Variants in HSD17B4 observed in about 807,000 individuals in gnomAD.
The protein encoded by HSD17B4 is peroxisomal multifunctional enzyme type 2.
Under a neutral mutation model 101.0 loss-of-function variants are expected in HSD17B4, and 70 were observed. That is an observed-to-expected ratio of 0.69 (90% confidence interval 0.57 to 0.85). The LOEUF (loss-of-function observed/expected upper bound fraction) is 0.85. Among genes scored for constraint, HSD17B4 ranks in the 40% least tolerant of loss-of-function variants. The probability of loss-of-function intolerance (pLI) is 0.00; values close to 1 mark genes in which losing one functional copy is unlikely to be tolerated. For missense variants in HSD17B4, 984 were observed against 892.4 expected (o/e 1.10, Z -1.31); for synonymous variants, 347 against 297.1 (o/e 1.17, Z -1.73).
intron 8 of HSD17B4, among the ~76,000 whole-genome samples, chr5:119,480,793 C>A (rs575578724): frequency 6.6e-6 from 1 of 152,120 alleles, no homozygotes; most frequent in Non-Finnish European, 1.5e-5. Flanking sequence ...GAGACAGGTA[C>A]GCCCCGGGGG....
chr5:119,479,870 A>G (rs1580565236), intron 8 of HSD17B4, among the ~76,000 whole-genome samples: 1 of 152,144 alleles, frequency 6.6e-6, no homozygotes, highest in Non-Finnish European at 1.5e-5. Context: ...TGATTGCTGG[A>G]TGGATGCTAT....
intron 17 of HSD17B4, among the ~76,000 whole-genome samples, chr5:119,519,234 C>G (rs2126852330): frequency 6.6e-6 from 1 of 152,266 alleles, no homozygotes; most frequent in Admixed American, 6.5e-5. Context: ...CTGCAATAAT[C>G]TAGACAGACC....
At position 119,492,114 on chromosome 5, in the gene HSD17B4, G is replaced by T; in HGVS notation, c.729G>T (p.Trp243Cys). The T allele has an allele frequency of 6.2e-7, 1 of 1,607,510 alleles. No homozygotes were observed. Among genetic ancestry groups the T allele is most frequent in the Non-Finnish European group, 8.5e-7 (1 of 1,174,318 alleles). Residue 243 changes from tryptophan to cysteine, a missense_variant, in exon 10 of 24, where the codon TGG becomes TGT. Coordinates refer to ENST00000510025, the MANE Select transcript of HSD17B4 (RefSeq NM_000414.4). ...CTTTTTGGTAGGTTGGAGCAGGATG[G>T]ATTGGAAAATGTAAGTCTCTCTCAG... The part of the protein sequence containing the change: ...NGGLFEVGAG[W>C]IGKLRWERTL...
intron 22 of HSD17B4, among the ~76,000 whole-genome samples, chr5:119,535,010 A>G (rs1754419091): frequency 1.3e-5 from 2 of 152,094 alleles, no homozygotes; most frequent in Admixed American, 1.3e-4. Flanking sequence ...AAAAGTTGCA[A>G]AAATACTAGA....
chr5:119,489,504 G>C (rs1199779074), intron 9 of HSD17B4, among the ~76,000 whole-genome samples: 3 of 152,102 alleles, frequency 2.0e-5, no homozygotes, highest in Non-Finnish European at 2.9e-5. Flanking sequence ...TGAAAATGTG[G>C]CTGGTTTGAT....
chr5:119,520,668 A>G (rs1753037723), intron 17 of HSD17B4, among the ~76,000 whole-genome samples: 1 of 152,188 alleles, frequency 6.6e-6, no homozygotes, highest in African/African-American at 2.4e-5. Context: ...GTCTAGGAAC[A>G]GTGGTAACCC....
At chr5:119,484,314 T>C (rs1038469218) in intron 8 of HSD17B4, among the ~76,000 whole-genome samples, 4 of 152,218 alleles carry the variant, frequency 2.6e-5, no homozygotes, top group Admixed American at 2.6e-4. Context: ...GGAAAATCAA[T>C]CGACTGCTTA....
intron 17 of HSD17B4, among the ~76,000 whole-genome samples, chr5:119,523,565 CTG>C (rs1753303588): frequency 6.6e-6 from 1 of 151,966 alleles, no homozygotes; most frequent in Admixed American, 6.6e-5. Flanking sequence ...TCGTTTAACT[CTG>C]TTATCTATAG....
chr5:119,510,092 C>A (rs1044286941), intron 16 of HSD17B4, among the ~76,000 whole-genome samples: 1 of 152,154 alleles, frequency 6.6e-6, no homozygotes, highest in Admixed American at 6.5e-5. Context: ...CTTGGTAATA[C>A]GTACTTTGAA....
At chr5:119,459,541 C>T (rs773579589) in intron 2 of HSD17B4, among the ~76,000 whole-genome samples, 2 of 152,162 alleles carry the variant, frequency 1.3e-5, no homozygotes, top group African/African-American at 4.8e-5. Flanking sequence ...TAACAGAACA[C>T]TTAAAACCGG....
At chr5:119,478,346 C>G (rs1394692100) in intron 7 of HSD17B4, among the ~76,000 whole-genome samples, 1 of 152,086 alleles carries the variant, frequency 6.6e-6, no homozygotes, top group Non-Finnish European at 1.5e-5. Context: ...TTGGAGATTT[C>G]TAGTTTATCC....
At chr5:119,529,098 ATC>A (rs1753840325) in intron 20 of HSD17B4, among the ~76,000 whole-genome samples, 1 of 152,164 alleles carries the variant, frequency 6.6e-6, no homozygotes, top group African/African-American at 2.4e-5. Flanking sequence ...TACTTGAAAG[ATC>A]TTTTTTCCTC....
chr5:119,455,298 C>T (rs976716915), intron 1 of HSD17B4, among the ~76,000 whole-genome samples: 1 of 152,130 alleles, frequency 6.6e-6, no homozygotes, highest in Non-Finnish European at 1.5e-5. Context: ...GTGGGCTGAT[C>T]ACGAGGTCAA....
Position 119,494,311 on chromosome 5 carries a change from CCTTTCTTTCTTTCTTTT to C in HSD17B4, c.868+382_868+398del, listed in dbSNP as rs1750397369. Reference sequence around the variant, plus strand: ...ATCTTACCATATTTTTCTCTTTCTTCCTTTCTTTCTTTCTTTTCTTTCTTTCTTTCTTTCTTTCTTTC... The same window carrying C: ...ATCTTACCATATTTTTCTCTTTCTTCCTTTCTTTCTTTCTTTCTTTCTTTC... On this transcript the variant is annotated intron_variant, in intron 11 of 23. Coordinates refer to ENST00000510025, the MANE Select transcript of HSD17B4 (RefSeq NM_000414.4). 2.7e-5 allele frequency among the ~76,000 whole-genome samples: 4 copies of C among 148,590 alleles called. No homozygotes were observed. In the South Asian group the frequency reaches 6.4e-4, roughly 24 times the overall value.
chr5:119,487,103 C>T (rs372791232), intron 8 of HSD17B4, among the ~76,000 whole-genome samples: 6 of 152,218 alleles, frequency 3.9e-5, no homozygotes, highest in Admixed American at 6.6e-5. Context: ...TGAAGTTCAG[C>T]GTAGAACAGT....
intron 14 of HSD17B4, among the ~76,000 whole-genome samples, chr5:119,503,276 T>TA: frequency 6.6e-6 from 1 of 152,200 alleles, no homozygotes; most frequent in Non-Finnish European, 1.5e-5. Flanking sequence ...TTAGGGATTT[T>TA]AAAATACGAA....
At chr5:119,463,808 A>T (rs75198961) in intron 2 of HSD17B4, among the ~76,000 whole-genome samples, 16,350 of 151,432 alleles carry the variant, frequency 0.11, 1,079 homozygotes, top group South Asian at 0.15. Flanking sequence ...AACTGGGACT[A>T]CAGGCACCTG....
In HSD17B4 at chr5:119,502,020, AT is replaced by A. The variant is rs781059702; in HGVS notation, c.1210-17del. On this transcript the variant is annotated intron_variant, in intron 13 of 23. Transcript: ENST00000510025. Reference sequence around the variant, plus strand: ...TGGAGCAAGAAAGTTTGCTAATAAAATTTTGTTTACCCTAACATAGGTTCTT... The same window carrying A: ...TGGAGCAAGAAAGTTTGCTAATAAAATTTGTTTACCCTAACATAGGTTCTT... 7 of 1,545,292 alleles carry A rather than the reference AT, an allele frequency of 4.5e-6. No homozygotes were observed. In the Admixed American group the frequency reaches 1.2e-4, roughly 26 times the overall value.
intron 2 of HSD17B4, among the ~76,000 whole-genome samples, chr5:119,472,965 T>A (rs993822079): frequency 8.5e-5 from 13 of 152,258 alleles, no homozygotes; most frequent in African/African-American, 3.1e-4. Flanking sequence ...TTTATTCTTT[T>A]TAAATGCAGA....
Sources: gnomAD v4.1 joint callset for allele counts (sites outside exome capture counted in the v4.1 genomes callset) on GRCh38, gnomAD v4.1.1 for gene constraint, MANE v1.5 for transcripts, NCBI Gene and HGNC (gene_info 2026-07-23, HGNC 2026-07-21) for gene names.